Variants in PRDM16 observed in about 807,000 individuals in gnomAD.
The protein encoded by PRDM16 is histone-lysine N-methyltransferase PRDM16.
PRDM16 carries 23 observed loss-of-function variants against 110.6 expected under a neutral mutation model. The ratio of observed to expected loss-of-function variants is 0.21; its 90% CI spans 0.15 to 0.29. The LOEUF (loss-of-function observed/expected upper bound fraction) is 0.29, where lower values mean the gene tolerates loss of function less well. PRDM16 is among the 10% of genes least tolerant of loss of function. The pLI, the probability that PRDM16 is intolerant of heterozygous loss-of-function variation, is 1.00. For missense variants in PRDM16, 1,615 were observed against 1,794.3 expected (o/e 0.90, Z 1.81); for synonymous variants, 799 against 781.8 (o/e 1.02, Z -0.37).
chr1:3,084,571 C>T (rs1032707071), intron 1 of PRDM16, among the ~76,000 whole-genome samples: 3 of 152,186 alleles, frequency 2.0e-5, no homozygotes, highest in African/African-American at 7.2e-5. Flanking sequence ...CGCCGAAATT[C>T]GAGGTGCAGC....
intron 1 of PRDM16, among the ~76,000 whole-genome samples, chr1:3,139,895 C>G (rs1486788755): frequency 6.6e-6 from 1 of 152,266 alleles, no homozygotes; most frequent in Non-Finnish European, 1.5e-5. Flanking sequence ...AGAGCTGTCC[C>G]CTCGCCGGGC....
rs1644080025 is a variant in PRDM16, at chr1:3,175,934, G to A, written c.38-10191G>A. Among the ~76,000 whole-genome samples, 1 of 152,086 alleles carries A rather than the reference G, an allele frequency of 6.6e-6. No individual in the cohort carries two copies. Among genetic ancestry groups the A allele is most frequent in the Non-Finnish European group, 1.5e-5 (1 of 68,002 alleles). ...CTCTTCTGTTGGAAACTGCCCTGGA[G>A]GTTGCCCTTACCCCATCCATCCATC... On this transcript the variant is annotated intron_variant, in intron 1 of 16. Transcript: ENST00000270722. The surrounding 1 kb of genome is among the most constrained non-coding windows in gnomAD (Gnocchi z 4.8).
At chr1:3,234,184 G>A (rs2817161) in intron 2 of PRDM16, among the ~76,000 whole-genome samples, 7,029 of 152,226 alleles carry the variant, frequency 0.046, 188 homozygotes, top group African/African-American at 0.07. Context: ...GTTCATCCCT[G>A]ACTCATCCCC....
chr1:3,178,791 C>T (rs1325773802), intron 1 of PRDM16, among the ~76,000 whole-genome samples: 1 of 152,156 alleles, frequency 6.6e-6, no homozygotes, highest in Non-Finnish European at 1.5e-5. Context: ...ACACCAGCCC[C>T]GCCCCAGGTC....
At chr1:3,375,390 A>G (rs1315717172) in intron 3 of PRDM16, among the ~76,000 whole-genome samples, 2 of 152,152 alleles carry the variant, frequency 1.3e-5, no homozygotes, top group Admixed American at 1.3e-4. Flanking sequence ...CCTTCATTTC[A>G]CTAAAGATGC....
chr1:3,426,111 C>T lies in PRDM16; in HGVS notation c.3170C>T (p.Ser1057Leu). 6.2e-7 allele frequency: 1 copy of T among 1,614,046 alleles called. No individual in the cohort carries two copies. The highest frequency in any genetic ancestry group is 8.5e-7 in the Non-Finnish European group (1 of 1,179,998). The change falls in exon 14 of 17, where the codon TCA (serine) becomes TTA (leucine). Residue 1057 changes from serine to leucine, a missense_variant. Physicochemically the swap from Ser to Leu is moderately radical, Grantham distance 145 (BLOSUM62 -2). Coordinates refer to ENST00000270722, the MANE Select transcript of PRDM16 (RefSeq NM_022114.4). ...GGGACCAGCGCGTCCTCTCCCACCTCAGAGTCGGACAACCACGCACTTTTA... is the reference window on the plus strand; with the variant it reads ...GGGACCAGCGCGTCCTCTCCCACCTTAGAGTCGGACAACCACGCACTTTTA... ...HLGTSASSPT[S>L]ESDNHALLDE...
At chr1:3,174,721 A>G (rs925902922) in intron 1 of PRDM16, among the ~76,000 whole-genome samples, 16 of 152,074 alleles carry the variant, frequency 1.1e-4, no homozygotes, top group African/African-American at 3.9e-4. Context: ...CGGTGGCTCC[A>G]AGAGGGCTGG....
intron 3 of PRDM16, among the ~76,000 whole-genome samples, chr1:3,303,770 C>T (rs560594599): frequency 6.6e-6 from 1 of 152,362 alleles, no homozygotes; most frequent in South Asian, 2.1e-4. Context: ...GTGCATCTCA[C>T]TGGGACTCTG....
At chr1:3,141,559 C>G (rs1244369606) in intron 1 of PRDM16, among the ~76,000 whole-genome samples, 4 of 152,250 alleles carry the variant, frequency 2.6e-5, no homozygotes, top group Non-Finnish European at 5.9e-5. Context: ...CAAAGCCCGG[C>G]CAGGCCTCTG....
At position 3,157,036 on chromosome 1, in the gene PRDM16, G is replaced by T. The variant is rs150538185; in HGVS notation, c.38-29089G>T. On this transcript the variant is annotated intron_variant, in intron 1 of 16. Coordinates refer to ENST00000270722, the MANE Select transcript of PRDM16 (RefSeq NM_022114.4). The surrounding 1 kb of genome is among the most constrained non-coding windows in gnomAD (Gnocchi z 4.8). Reference sequence around the variant, plus strand: ...GTGTCTGGTTAGAGGCTGGGCTGGGGCTGAGCACGAGGGCCAAGAGGTGAC... The same window carrying T: ...GTGTCTGGTTAGAGGCTGGGCTGGGTCTGAGCACGAGGGCCAAGAGGTGAC... Among the ~76,000 whole-genome samples the T allele has an allele frequency of 7.6e-3, 1,151 of 152,322 alleles. 13 individuals are homozygous for T. The highest frequency in any genetic ancestry group is 0.026 in the African/African-American group (1,066 of 41,574).
chr1:3,422,216 AGGCAGACAGACAGGCAG>A (rs981277843), intron 12 of PRDM16, among the ~76,000 whole-genome samples: 33 of 150,508 alleles, frequency 2.2e-4, no homozygotes, highest in Admixed American at 9.2e-4. Flanking sequence ...ATGGACAGAC[AGGCAGACAGACAGGCAG>A]GGCAGACAGG....
intron 3 of PRDM16, among the ~76,000 whole-genome samples, chr1:3,292,285 A>G (rs944988690): frequency 6.6e-6 from 1 of 152,248 alleles, no homozygotes; most frequent in Non-Finnish European, 1.5e-5. Context: ...AAGCCAGAGC[A>G]GAGCCGAGGT....
At chr1:3,381,830 G>A (rs1643107428) in intron 3 of PRDM16, among the ~76,000 whole-genome samples, 1 of 152,224 alleles carries the variant, frequency 6.6e-6, no homozygotes, top group Admixed American at 6.5e-5. Flanking sequence ...CATGCTGAGA[G>A]GGAGAGATAC....
intron 1 of PRDM16, among the ~76,000 whole-genome samples, chr1:3,124,200 G>A (rs2012731): frequency 0.53 from 80,878 of 152,020 alleles, 24,252 homozygotes; most frequent in African/African-American, 0.82. Flanking sequence ...TCCTGTCCTC[G>A]TACCCTGGCT....
At chr1:3,211,230 G>A (rs1045520999) in intron 2 of PRDM16, among the ~76,000 whole-genome samples, 1 of 152,160 alleles carries the variant, frequency 6.6e-6, no homozygotes, top group East Asian at 1.9e-4. Flanking sequence ...GAGAGCCTGC[G>A]GTCAGCAGCC....
intron 3 of PRDM16, among the ~76,000 whole-genome samples, chr1:3,348,754 G>C (rs1055873046): frequency 6.6e-6 from 1 of 152,246 alleles, no homozygotes; most frequent in African/African-American, 2.4e-5. Context: ...CTTGGGGACC[G>C]GGGCCGCAGT....
chr1:3,218,738 C>T (rs566458704), intron 2 of PRDM16, among the ~76,000 whole-genome samples: 7 of 152,294 alleles, frequency 4.6e-5, no homozygotes, highest in Admixed American at 1.3e-4. Context: ...CTCTTGGCAG[C>T]GAGGGGTGGC....
intron 3 of PRDM16, among the ~76,000 whole-genome samples, chr1:3,338,339 C>T (rs566305956): frequency 5.6e-4 from 85 of 152,334 alleles, no homozygotes; most frequent in Non-Finnish European, 1.0e-3. Context: ...TCCTCTGGGG[C>T]CCAATTCGAG....
chr1:3,242,407 T>C (rs1431137460), intron 2 of PRDM16, among the ~76,000 whole-genome samples: 1 of 152,106 alleles, frequency 6.6e-6, no homozygotes, highest in African/African-American at 2.4e-5. Context: ...CCTTCTACTC[T>C]CGAGAGCTCC....
Sources: gnomAD v4.1 joint callset for allele counts (sites outside exome capture counted in the v4.1 genomes callset) on GRCh38, gnomAD v4.1.1 for gene constraint, Gnocchi (gnomAD v3.1) non-coding constraint, MANE v1.5 for transcripts, NCBI Gene and HGNC (gene_info 2026-07-23, HGNC 2026-07-21) for gene names.